The following STXBP4 variants were observed in gnomAD, a reference collection of about 807,000 sequenced individuals.
STXBP4 encodes the protein syntaxin binding protein 4.
STXBP4 carries 55 observed loss-of-function variants against 76.1 expected under a neutral mutation model. The observed-to-expected ratio is 0.72, with a 90% confidence interval of 0.58 to 0.91. The LOEUF is 0.91. Ranked by LOEUF, STXBP4 falls within the 40% of genes least tolerant of loss-of-function variation. STXBP4 has a pLI of 0.00. For missense variants in STXBP4, 618 were observed against 636.9 expected (o/e 0.97, Z 0.32); for synonymous variants, 201 against 220.2 (o/e 0.91, Z 0.77).
At chr17:55,089,541 G>A (rs1167582563) in intron 16 of STXBP4, among the ~76,000 whole-genome samples, 1 of 152,166 alleles carries the variant, frequency 6.6e-6, no homozygotes, top group Non-Finnish European at 1.5e-5. Flanking sequence ...TCTGAAAACA[G>A]AATAGGCATT....
chr17:55,082,708 G>C (rs895598745), intron 16 of STXBP4, among the ~76,000 whole-genome samples: 3 of 152,000 alleles, frequency 2.0e-5, no homozygotes, highest in African/African-American at 7.2e-5. Flanking sequence ...ACCATTCTTA[G>C]TGGGAACCTC....
chr17:54,984,334 T>TTTTTC (rs201204538), intron 1 of STXBP4, among the ~76,000 whole-genome samples: 2 of 120,390 alleles, frequency 1.7e-5, no homozygotes, highest in African/African-American at 8.0e-5. Context: ...CTCTTTTTCT[T>TTTTTC]TTTTCTTTTT....
rs557284792 is a variant in STXBP4 at position 55,133,916 on chromosome 17, G to A, written c.1490-7394G>A. On this transcript the variant is annotated intron_variant, in intron 16 of 17. Transcript: ENST00000376352. ...ACAAATCCATTTTTGTAAGGTTTTT[G>A]TAAGGTTTAGTTATAAAGTAGAGCA... Among the ~76,000 whole-genome samples the A allele has an allele frequency of 2.0e-5, 3 of 152,310 alleles. No individual in the cohort carries two copies. In the East Asian group the frequency reaches 5.8e-4, roughly 29 times the overall value.
At position 55,043,172 on chromosome 17, in the gene STXBP4, T is replaced by A. The variant is rs564589178; in HGVS notation, c.856-64T>A. The A allele has an allele frequency of 2.7e-5, 21 of 783,188 alleles. No individual in the cohort carries two copies. The East Asian group carries it at 6.3e-4, about 23-fold the overall frequency. The allele number at this position is 783,188 out of a possible 1,614,324, so 48.5% of individuals were successfully genotyped here. On this transcript the variant is annotated intron_variant, in intron 10 of 17. Coordinates refer to ENST00000376352, the MANE Select transcript of STXBP4 (RefSeq NM_178509.6). ...GCCTAAGATTAGTCAAAAATGATTTTTATGTTACCTCTCATAATTAGCATC... is the reference window on the plus strand; with the variant it reads ...GCCTAAGATTAGTCAAAAATGATTTATATGTTACCTCTCATAATTAGCATC...
intron 8 of STXBP4, among the ~76,000 whole-genome samples, chr17:55,028,656 A>G (rs1289894050): frequency 6.6e-6 from 1 of 152,188 alleles, no homozygotes; most frequent in Admixed American, 6.5e-5. Flanking sequence ...ACTTCTTAAA[A>G]CCTCATGTAT....
At chr17:55,145,986 T>C (rs183442052) in intron 17 of STXBP4, among the ~76,000 whole-genome samples, 1 of 152,356 alleles carries the variant, frequency 6.6e-6, no homozygotes, top group East Asian at 1.9e-4. Context: ...TCCATTTTTC[T>C]ACCCAACTTC....
chr17:55,146,704 G>A (rs1202745246), intron 17 of STXBP4, among the ~76,000 whole-genome samples: 3 of 149,558 alleles, frequency 2.0e-5, no homozygotes, highest in Non-Finnish European at 4.4e-5. Flanking sequence ...GCCACAGAGC[G>A]AGACTCCGTC....
intron 12 of STXBP4, among the ~76,000 whole-genome samples, chr17:55,070,541 G>A (rs139882681): frequency 1.3e-5 from 2 of 152,212 alleles, no homozygotes; most frequent in East Asian, 3.9e-4. Context: ...GGCATAGAAG[G>A]CAATTGGTTG....
At chr17:55,096,757 A>G (rs1460744728) in intron 16 of STXBP4, among the ~76,000 whole-genome samples, 1 of 152,158 alleles carries the variant, frequency 6.6e-6, no homozygotes, top group Non-Finnish European at 1.5e-5. Context: ...CAATACATAA[A>G]AAGGTAATAA....
At chr17:55,151,890 C>T (rs991239400) in intron 17 of STXBP4, among the ~76,000 whole-genome samples, 2 of 152,152 alleles carry the variant, frequency 1.3e-5, no homozygotes, top group Non-Finnish European at 2.9e-5. Context: ...TGAATTATCA[C>T]AGTGATTCAA....
chr17:55,155,727 CT>C (rs1196431642), intron 17 of STXBP4, among the ~76,000 whole-genome samples: 2 of 151,952 alleles, frequency 1.3e-5, no homozygotes, highest in African/African-American at 4.8e-5. Flanking sequence ...TCATTAAATC[CT>C]TTTTGTTTAA....
chr17:54,992,703 TC>T (rs1023745427), intron 4 of STXBP4, among the ~76,000 whole-genome samples: 1 of 141,404 alleles, frequency 7.1e-6, no homozygotes, highest in African/African-American at 2.6e-5. Context: ...AGAATTTGCT[TC>T]CTTTTTTTTT....
intron 16 of STXBP4, among the ~76,000 whole-genome samples, chr17:55,103,689 T>TG (rs1046748172): frequency 1.3e-5 from 2 of 152,078 alleles, no homozygotes; most frequent in African/African-American, 2.4e-5. Context: ...GGTAGCTTGA[T>TG]GGGGATAGCA....
the STXBP4 span, among the ~76,000 whole-genome samples, chr17:55,184,796 G>A: frequency 6.6e-6 from 1 of 152,188 alleles, no homozygotes; most frequent in Admixed American, 6.5e-5. Flanking sequence ...AAAAATTGAA[G>A]GGGGTCTGTG....
Position 54,993,004 on chromosome 17 carries a change from C to T in STXBP4, c.180+2047C>T, listed in dbSNP as rs566610321. On this transcript the variant is annotated intron_variant, in intron 4 of 17. Coordinates refer to ENST00000376352, the MANE Select transcript of STXBP4 (RefSeq NM_178509.6). ...CTGGGGGTACAGGCATGAGCCACCACGCCTGACCTAAGAATTTGCTTTTAA... is the reference window on the plus strand; with the variant it reads ...CTGGGGGTACAGGCATGAGCCACCATGCCTGACCTAAGAATTTGCTTTTAA... Among the ~76,000 whole-genome samples the T allele has an allele frequency of 2.6e-5, 4 of 152,210 alleles. No individual in the cohort carries two copies. The East Asian group carries it at 5.8e-4, about 22-fold the overall frequency.
chr17:55,031,368 A>C, intron 9 of STXBP4, 104 bp downstream of exon 9: 2 of 932,472 alleles, frequency 2.1e-6, no homozygotes, highest in South Asian at 3.2e-5. Context: ...GAGAGAATGA[A>C]AAGTAAAACT....
the STXBP4 span, among the ~76,000 whole-genome samples, chr17:55,178,906 C>T: frequency 6.6e-6 from 1 of 152,184 alleles, no homozygotes; most frequent in Admixed American, 6.5e-5. Flanking sequence ...TCATTCTATC[C>T]ATTCAAATAT....
chr17:54,977,463 T>C (rs1189906552), intron 1 of STXBP4, among the ~76,000 whole-genome samples: 2 of 152,210 alleles, frequency 1.3e-5, no homozygotes, highest in African/African-American at 2.4e-5. Flanking sequence ...ATTTAAAATA[T>C]AGGAGAGGAT....
chr17:55,169,258 CA>C lies in STXBP4; in HGVS notation c.*9348del, dbSNP rs2145212676. 6.6e-6 allele frequency: 1 copy of C among 151,916 alleles called. No individual in the cohort carries two copies. The highest frequency in any genetic ancestry group is 2.1e-4 in the South Asian group (1 of 4,814). The allele number at this position is 151,916 out of a possible 1,614,324, so 9.4% of individuals were successfully genotyped here. ...GCCTATTCTGGAGATGACTTTGGTT[CA>C]CTCCCACGGGAGAGCCCTAGAGACA... is the stretch of plus-strand genomic sequence containing the variant. On this transcript the variant is annotated 3_prime_UTR_variant, in exon 18 of 18. Coordinates refer to ENST00000376352, the MANE Select transcript of STXBP4 (RefSeq NM_178509.6).
Sources: gnomAD v4.1 joint callset for allele counts (sites outside exome capture counted in the v4.1 genomes callset) on GRCh38, gnomAD v4.1.1 for gene constraint, MANE v1.5 for transcripts, NCBI Gene and HGNC (gene_info 2026-07-23, HGNC 2026-07-21) for gene names.